PPP4R1: variants seen among roughly 807,000 people sequenced by gnomAD.
PPP4R1 encodes serine/threonine-protein phosphatase 4 regulatory subunit 1.
Under a neutral mutation model 111.2 loss-of-function variants are expected in PPP4R1, and 42 were observed. The ratio of observed to expected loss-of-function variants is 0.38; its 90% CI spans 0.29 to 0.49. PPP4R1 has a LOEUF of 0.49. PPP4R1 is among the 20% of genes least tolerant of loss of function. PPP4R1 has a pLI of 0.97. For missense variants in PPP4R1, 1,012 were observed against 1,161.6 expected (o/e 0.87, Z 1.87); for synonymous variants, 409 against 405.5 (o/e 1.01, Z -0.10).
intron 2 of PPP4R1, among the ~76,000 whole-genome samples, chr18:9,601,101 G>A (rs1314624116): frequency 1.3e-5 from 2 of 151,400 alleles, no homozygotes; most frequent in Non-Finnish European, 1.5e-5. Context: ...TTTCACTGAT[G>A]AAGTAAAAAA....
At chr18:9,550,237 T>TA in intron 17 of PPP4R1, 41 bp downstream of exon 17, 3 of 1,614,004 alleles carry the variant, frequency 1.9e-6, no homozygotes, top group Non-Finnish European at 2.5e-6. Context: ...TCTAGGATCT[T>TA]AGAGTTTGCT....
At chr18:9,612,855 T>TA (rs1019773759) in intron 2 of PPP4R1, among the ~76,000 whole-genome samples, 6 of 152,202 alleles carry the variant, frequency 3.9e-5, no homozygotes, top group South Asian at 2.1e-4. Context: ...GCCACCTCAC[T>TA]AAAAACACAG....
At chr18:9,602,481 G>C (rs1200868826) in intron 2 of PPP4R1, among the ~76,000 whole-genome samples, 3 of 150,698 alleles carry the variant, frequency 2.0e-5, no homozygotes, top group African/African-American at 7.3e-5. Context: ...GGGAGGCGGA[G>C]CTTGCAGTGA....
chr18:9,554,283 A>G (rs979566042), intron 15 of PPP4R1, among the ~76,000 whole-genome samples: 17 of 151,838 alleles, frequency 1.1e-4, no homozygotes, highest in Admixed American at 9.8e-4. Context: ...GCATGCCACC[A>G]CGCCCGGCTA....
Position 9,570,671 on chromosome 18 carries a change from T to C in PPP4R1, c.1059A>G (p.Gln353=). Residue 353 remains glutamine, a synonymous_variant, in exon 11 of 20, where the codon CAA becomes CAG. Transcript: ENST00000400556. ...TGACTTGTACATCCTCTGGGGCTTC[T>C]TGATCTCTGGTCCTTTTATTGTTTT... ...SVENKNRTRD[Q]EAPEDVQVRP... 2 of 1,553,110 alleles carry C rather than the reference T, an allele frequency of 1.3e-6. No individual in the cohort carries two copies. The highest frequency in any genetic ancestry group is 2.1e-5 in the Admixed American group (1 of 48,578).
At chr18:9,603,808 T>C (rs1460779117) in intron 2 of PPP4R1, among the ~76,000 whole-genome samples, 1 of 152,164 alleles carries the variant, frequency 6.6e-6, no homozygotes, top group Non-Finnish European at 1.5e-5. Context: ...TCTCTTTACC[T>C]ATTTTTGGTG....
intron 9 of PPP4R1, among the ~76,000 whole-genome samples, chr18:9,582,779 T>C (rs772459525): frequency 6.6e-6 from 1 of 152,176 alleles, no homozygotes; most frequent in Non-Finnish European, 1.5e-5. Context: ...AACAAAATAC[T>C]GACAAACTGA....
chr18:9,583,338 G>A (rs1245345340), intron 8 of PPP4R1, 63 bp from the exon 9 acceptor site: 13 of 1,354,266 alleles, frequency 9.6e-6, no homozygotes, highest in East Asian at 7.9e-5. Flanking sequence ...CAGTTACTTC[G>A]CTTTCATTTT....
Position 9,550,566 on chromosome 18 carries a change from T to C in PPP4R1, c.2292-168A>G, listed in dbSNP as rs572625893. On this transcript the variant is annotated intron_variant, in intron 16 of 19. Coordinates refer to ENST00000400556, the MANE Select transcript of PPP4R1 (RefSeq NM_001042388.3). ...CTCCTGTACAGTTACCTCCAGTCTC[T>C]GTGTATCTGGAAATGCACTTACATG... 46 of 720,318 alleles carry C rather than the reference T, an allele frequency of 6.4e-5. No individual in the cohort carries two copies. In the African/African-American group the frequency reaches 7.1e-4, roughly 11 times the overall value. 44.6% of individuals were successfully genotyped at this position (720,318 alleles called of 1,614,324 possible). A position where few individuals can be genotyped will look rare whatever the true frequency, so the allele number is the denominator to read the frequency against.
chr18:9,582,927 A>C (rs965110831), intron 9 of PPP4R1, among the ~76,000 whole-genome samples, 190 bp downstream of exon 9: 5 of 152,230 alleles, frequency 3.3e-5, no homozygotes, highest in Non-Finnish European at 4.4e-5. Context: ...TAAATGTGTA[A>C]AGAAATTTTT....
chr18:9,590,130 C>T (rs761668059), intron 4 of PPP4R1: 6 of 152,074 alleles, frequency 3.9e-5, no homozygotes, highest in South Asian at 4.1e-4. Context: ...GTCATTGTAT[C>T]GGACCTAACT....
At chr18:9,584,853 C>A (rs753940354) in intron 6 of PPP4R1, 25 bp from the exon 7 acceptor site, 1 of 1,521,682 alleles carries the variant, frequency 6.6e-7, no homozygotes, top group Non-Finnish European at 9.0e-7. Context: ...AACAAACACA[C>A]ACTGAAAATA....
intron 10 of PPP4R1, among the ~76,000 whole-genome samples, chr18:9,574,128 G>T (rs868332046): frequency 6.6e-6 from 1 of 151,450 alleles, no homozygotes; most frequent in Non-Finnish European, 1.5e-5. Flanking sequence ...ATTTTTTTTT[G>T]AAAATTGAGG....
At chr18:9,615,022 G>C (rs967480673), upstream of PPP4R1, 1 of 152,074 alleles carries the variant, frequency 6.6e-6, no homozygotes, top group African/African-American at 2.4e-5. Flanking sequence ...CACGTACGTC[G>C]TCGGCGATCC....
intron 2 of PPP4R1, among the ~76,000 whole-genome samples, chr18:9,597,053 A>C (rs2145270973): frequency 6.6e-6 from 1 of 152,318 alleles, no homozygotes; most frequent in East Asian, 1.9e-4. Context: ...GGACTGTTTG[A>C]GCACGGGAGG....
intron 10 of PPP4R1, among the ~76,000 whole-genome samples, chr18:9,574,424 T>C (rs1456828655): frequency 6.6e-6 from 1 of 152,240 alleles, no homozygotes. Flanking sequence ...ACCTTCCAAG[T>C]ACTGTGAATT....
intron 11 of PPP4R1, among the ~76,000 whole-genome samples, chr18:9,567,012 C>A (rs2066779117): frequency 6.6e-6 from 1 of 152,206 alleles, no homozygotes; most frequent in Non-Finnish European, 1.5e-5. Context: ...GTAATTTCAA[C>A]TTTCAAGTCT....
intron 11 of PPP4R1, among the ~76,000 whole-genome samples, chr18:9,565,378 C>T (rs2066749017): frequency 6.6e-6 from 1 of 152,126 alleles, no homozygotes; most frequent in East Asian, 1.9e-4. Context: ...CAACAGTAGC[C>T]CCTAAGAGTT....
At chr18:9,587,108 T>A (rs1454047068) in intron 6 of PPP4R1, among the ~76,000 whole-genome samples, 1 of 152,226 alleles carries the variant, frequency 6.6e-6, no homozygotes, top group East Asian at 1.9e-4. Flanking sequence ...TTATTTCCAC[T>A]GTGCTTACAC....
Sources: allele counts gnomAD v4.1 joint callset (sites outside exome capture counted in the v4.1 genomes callset), GRCh38; gene constraint gnomAD v4.1.1; transcripts MANE v1.5; gene names NCBI Gene and HGNC (gene_info 2026-07-23, HGNC 2026-07-21).